Variants in ZSWIM3 observed in about 807,000 individuals in gnomAD.
ZSWIM3 encodes the protein zinc finger SWIM domain-containing protein 3.
ZSWIM3 carries 27 observed loss-of-function variants against 47.5 expected under a neutral mutation model. The ratio of observed to expected loss-of-function variants is 0.57; its 90% CI spans 0.42 to 0.78. ZSWIM3 has a LOEUF of 0.78. Ranked by LOEUF, ZSWIM3 falls within the 30% of genes least tolerant of loss-of-function variation. ZSWIM3 has a pLI of 0.00. For synonymous variants in ZSWIM3, 333 were observed against 333.9 expected (o/e 1.00, Z 0.03); for missense variants, 689 against 861.3 (o/e 0.80, Z 2.50).
At chr20:45,860,113 A>G (rs988691156) in intron 1 of ZSWIM3, among the ~76,000 whole-genome samples, 2 of 152,214 alleles carry the variant, frequency 1.3e-5, no homozygotes, top group Non-Finnish European at 2.9e-5. Context: ...GCAAAGCAAC[A>G]CAAATTTATT....
chr20:45,872,433 A>G (rs1449669609), intron 1 of ZSWIM3, among the ~76,000 whole-genome samples: 3 of 152,260 alleles, frequency 2.0e-5, no homozygotes, highest in African/African-American at 7.2e-5. Flanking sequence ...CATAAAGTCA[A>G]TATAACTTGA....
At chr20:45,872,698 AG>A in intron 1 of ZSWIM3, 1 of 1,286,710 alleles carries the variant, frequency 7.8e-7, no homozygotes, top group African/African-American at 1.5e-5. Flanking sequence ...GATGAAAACA[AG>A]GCTGGAGAGA....
At chr20:45,868,098 T>C (rs924409934) in intron 1 of ZSWIM3, among the ~76,000 whole-genome samples, 1 of 152,198 alleles carries the variant, frequency 6.6e-6, no homozygotes, top group Non-Finnish European at 1.5e-5. Flanking sequence ...AATTTCTGGC[T>C]GATGAAGAGA....
At chr20:45,860,510 C>CAAAA (rs59152975) in intron 1 of ZSWIM3, among the ~76,000 whole-genome samples, 7 of 102,616 alleles carry the variant, frequency 6.8e-5, no homozygotes, top group Admixed American at 9.0e-5. Context: ...GACTCCATCT[C>CAAAA]AAAAAAAAAA....
At chr20:45,859,125 C>G (rs722669) in intron 1 of ZSWIM3, among the ~76,000 whole-genome samples, 68,279 of 151,816 alleles carry the variant, frequency 0.45, 17,385 homozygotes, top group Admixed American at 0.57. Flanking sequence ...TGTCAGAAAT[C>G]CACACTTTAT....
chr20:45,860,510 C>CAAAAAAAAAAAAAAAA (rs59152975), intron 1 of ZSWIM3, among the ~76,000 whole-genome samples: 1 of 102,634 alleles, frequency 9.7e-6, no homozygotes, highest in Non-Finnish European at 1.8e-5. Flanking sequence ...GACTCCATCT[C>CAAAAAAAAAAAAAAAA]AAAAAAAAAA....
chr20:45,857,745 C>T lies in ZSWIM3; in HGVS notation c.-81C>T. 2 of 1,541,158 alleles carry T rather than the reference C, an allele frequency of 1.3e-6. No homozygotes were observed. The highest frequency in any genetic ancestry group is 8.8e-7 in the Non-Finnish European group (1 of 1,134,710). On this transcript the variant is annotated 5_prime_UTR_variant, in exon 1 of 2. Transcript: ENST00000255152. The stretch of plus-strand genomic sequence containing the variant: ...CTGGGCCCACGCCTGCCTATAAACC[C>T]TCATAGTGTGACCTTTGACCCCTGG...
Position 45,878,876 on chromosome 20 carries a change from C to T in ZSWIM3, c.*227C>T, listed in dbSNP as rs961844775. ...TTCCTTGGGAGCCTCAGTTGTTGTTCAAGGCCAAAGTTATCTCCGTGCTGC... is the reference window on the plus strand; with the variant it reads ...TTCCTTGGGAGCCTCAGTTGTTGTTTAAGGCCAAAGTTATCTCCGTGCTGC... On this transcript the variant is annotated 3_prime_UTR_variant, in exon 2 of 2. Transcript: ENST00000255152. 1 of 552,310 alleles carries T rather than the reference C, an allele frequency of 1.8e-6. No homozygotes were observed. The highest frequency in any genetic ancestry group is 3.1e-6 in the Non-Finnish European group (1 of 325,198). 34.2% of individuals were successfully genotyped at this position (552,310 alleles called of 1,614,324 possible).
intron 1 of ZSWIM3, among the ~76,000 whole-genome samples, chr20:45,859,792 C>CAAAAAAAAAAAAAA (rs765560893): frequency 1.9e-5 from 1 of 52,092 alleles, no homozygotes; most frequent in African/African-American, 6.2e-5. Flanking sequence ...GAGAGGAATA[C>CAAAAAAAAAAAAAA]AAAAAAAAAA....
In ZSWIM3 at chr20:45,878,711, T is replaced by C; in HGVS notation, c.*62T>C. Reference sequence around the variant, plus strand: ...TCCTTGGAAGTGTGAGAGTTTAAAGTGGGCAGGACATACTAGGGTTTAGCA... The same window carrying C: ...TCCTTGGAAGTGTGAGAGTTTAAAGCGGGCAGGACATACTAGGGTTTAGCA... On this transcript the variant is annotated 3_prime_UTR_variant, in exon 2 of 2. Coordinates refer to ENST00000255152, the MANE Select transcript of ZSWIM3 (RefSeq NM_080752.4). 1 of 1,541,140 alleles carries C rather than the reference T, an allele frequency of 6.5e-7. No individual in the cohort carries two copies. Among genetic ancestry groups the C allele is most frequent in the Admixed American group, 1.9e-5 (1 of 52,112 alleles).
At position 45,878,487 on chromosome 20, in the gene ZSWIM3, C is replaced by T. The variant is rs764523680; in HGVS notation, c.1929C>T (p.Ser643=). 1 of 1,614,238 alleles carries T rather than the reference C, an allele frequency of 6.2e-7. No individual in the cohort carries two copies. The highest frequency in any genetic ancestry group is 8.5e-7 in the Non-Finnish European group (1 of 1,180,048). The change falls in exon 2 of 2, where the codon TCC becomes TCT. Residue 643 remains serine (S), a synonymous_variant. Transcript: ENST00000255152. The part of the protein sequence containing the change: ...TEGPELEERY[S]TLRKIVDIWA... ...GGCCAGAGCTGGAGGAACGCTACTC[C>T]ACCCTGCGCAAGATTGTGGATATCT...
rs112152357 is a variant in ZSWIM3, at chr20:45,857,945, C to T, written c.120C>T (p.Asn40=). Residue 40 remains asparagine, a synonymous_variant, in exon 1 of 2, where the codon AAC becomes AAT. Transcript: ENST00000255152. ...ACTGCGTCTCCGTCCGCTTCCACAA[C>T]CTCAACCATGGCACCTCCATCCGCG... is the stretch of plus-strand genomic sequence containing the variant. ...LRDCVSVRFH[N]LNHGTSIRED... 35 of 1,611,390 alleles carry T rather than the reference C, an allele frequency of 2.2e-5. No homozygotes were observed. The African/African-American group carries it at 3.7e-4, about 17-fold the overall frequency.
chr20:45,868,630 G>A (rs577525502), intron 1 of ZSWIM3, among the ~76,000 whole-genome samples: 3 of 151,778 alleles, frequency 2.0e-5, no homozygotes, highest in South Asian at 2.1e-4. Flanking sequence ...TGATCCACTC[G>A]CCTCGGTCTC....
chr20:45,866,427 A>ACC (rs987385993), intron 1 of ZSWIM3, among the ~76,000 whole-genome samples: 1 of 151,678 alleles, frequency 6.6e-6, no homozygotes, highest in South Asian at 2.1e-4. Flanking sequence ...AGTAAAAAAG[A>ACC]CCCCCCCTTG....
intron 1 of ZSWIM3, among the ~76,000 whole-genome samples, chr20:45,874,364 TAGTC>T (rs1939304638): frequency 6.6e-6 from 1 of 152,032 alleles, no homozygotes; most frequent in Admixed American, 6.6e-5. Flanking sequence ...ATACAAAAAT[TAGTC>T]AGGTGCAGTG....
chr20:45,865,814 G>C (rs907451406), intron 1 of ZSWIM3, among the ~76,000 whole-genome samples: 1 of 151,702 alleles, frequency 6.6e-6, no homozygotes, highest in Non-Finnish European at 1.5e-5. Flanking sequence ...TAGCTAACAC[G>C]GTGAAACCCC....
chr20:45,875,480 C>A (rs1227403338), intron 1 of ZSWIM3, among the ~76,000 whole-genome samples: 2 of 34,182 alleles, frequency 5.9e-5, no homozygotes, highest in African/African-American at 3.0e-4. Context: ...TTCCTTAATT[C>A]TATTTTTTTT....
At chr20:45,865,595 G>T in intron 1 of ZSWIM3, among the ~76,000 whole-genome samples, 1 of 48,752 alleles carries the variant, frequency 2.1e-5, no homozygotes, top group Non-Finnish European at 7.6e-5. Flanking sequence ...GGGTTAAAAG[G>T]AAGAGCTCTG....
rs762315736 is a variant in ZSWIM3 at position 45,877,435 on chromosome 20, A to G, written c.877A>G (p.Ile293Val). The G allele has an allele frequency of 6.2e-6, 10 of 1,614,146 alleles. No homozygotes were observed. Among genetic ancestry groups the G allele is most frequent in the Non-Finnish European group, 8.5e-6 (10 of 1,180,030 alleles). ...GGACCCTTCATTCCATTACCGGGCT[A>G]TCCTGCAGGAGATCTTTCCTGCTGC... ...FVDPSFHYRA[I>V]LQEIFPAARI... The change falls in exon 2 of 2, where the codon ATC becomes GTC. Residue 293 changes from isoleucine (I) to valine (V), a missense_variant. By Grantham distance (29) the Ile-to-Val change is conservative. Coordinates refer to ENST00000255152, the MANE Select transcript of ZSWIM3 (RefSeq NM_080752.4).
Sources: allele counts gnomAD v4.1 joint callset (sites outside exome capture counted in the v4.1 genomes callset), GRCh38; gene constraint gnomAD v4.1.1; transcripts MANE v1.5; gene names NCBI Gene and HGNC (gene_info 2026-07-23, HGNC 2026-07-21).